Variants in TAFA5 observed in about 807,000 individuals in gnomAD.
TAFA5 encodes TAFA chemokine like family member 5, also known as chemokine-like protein TAFA-5.
A neutral mutation model predicts 15.3 loss-of-function variants in TAFA5; 6 were observed. That is an observed-to-expected ratio of 0.39 (90% confidence interval 0.21 to 0.77). The LOEUF (loss-of-function observed/expected upper bound fraction) is 0.77. Ranked by LOEUF, TAFA5 falls within the 30% of genes least tolerant of loss-of-function variation. The pLI, the probability that TAFA5 is intolerant of heterozygous loss-of-function variation, is 0.41. For synonymous variants in TAFA5, 103 were observed against 80.7 expected, an observed-to-expected ratio of 1.28 and a Z score of -1.48; for missense variants, 161 against 193.1, an observed-to-expected ratio of 0.83 and a Z score of 0.98.
At chr22:48,647,023 T>G (rs1464659628) in intron 2 of TAFA5, among the ~76,000 whole-genome samples, 1 of 152,090 alleles carries the variant, frequency 6.6e-6, no homozygotes, top group African/African-American at 2.4e-5. Flanking sequence ...GGCCCAAGGC[T>G]GTGGTTCTCT....
In TAFA5 at chr22:48,492,703, A is replaced by T. The variant is rs534514402; in HGVS notation, c.112+2999A>T. On this transcript the variant is annotated intron_variant, in intron 1 of 3. Transcript: ENST00000402357. ...CCCTGGATGGCTCACTTTAAAATGC[A>T]TGCTCGGTGGTCTGCGACCATCACG... is the stretch of plus-strand genomic sequence containing the variant. Among the ~76,000 whole-genome samples the T allele has an allele frequency of 1.1e-4, 16 of 152,210 alleles. No individual in the cohort carries two copies. The South Asian group carries it at 3.3e-3, about 32-fold the overall frequency.
intron 3 of TAFA5, among the ~76,000 whole-genome samples, chr22:48,745,349 C>T (rs943301894): frequency 2.1e-5 from 3 of 144,182 alleles, no homozygotes; most frequent in African/African-American, 7.9e-5. Context: ...CATGGGCACA[C>T]AACGGCTTTG....
rs748782383 is a variant in TAFA5 at position 48,531,855 on chromosome 22, C to T, written c.112+42151C>T. On this transcript the variant is annotated intron_variant, in intron 1 of 3. Transcript: ENST00000402357. The stretch of plus-strand genomic sequence containing the variant: ...GGTGCCTCCCACCCCCCAACTCCCC[C>T]GGAAGGACGGACGGGCCTGGCAGGG... 7.2e-4 allele frequency among the ~76,000 whole-genome samples: 109 copies of T among 152,294 alleles called. 1 individual carries two copies. Among genetic ancestry groups the T allele is most frequent in the Middle Eastern group, 6.8e-3 (2 of 294 alleles).
In TAFA5 at chr22:48,619,899, C is replaced by A. The variant is rs1925743254; in HGVS notation, c.113-26698C>A. On this transcript the variant is annotated intron_variant, in intron 1 of 3. Transcript: ENST00000402357. ...GCTTCTGCTCCCCGAGCTTCCTGCG[C>A]TCCCTGAAAGTTGTGCATCCAGTGC... Among the ~76,000 whole-genome samples, 3 of 152,240 alleles carry A rather than the reference C, an allele frequency of 2.0e-5. No individual in the cohort carries two copies. In the South Asian group the frequency reaches 6.2e-4, roughly 32 times the overall value.
intron 1 of TAFA5, among the ~76,000 whole-genome samples, chr22:48,617,725 G>T (rs1322574829): frequency 1.3e-5 from 2 of 152,194 alleles, no homozygotes; most frequent in Non-Finnish European, 2.9e-5. Flanking sequence ...CTGGAGCCTG[G>T]CTTGGTGCAT....
intron 3 of TAFA5, among the ~76,000 whole-genome samples, chr22:48,714,753 G>A (rs894085751): frequency 5.3e-5 from 8 of 152,178 alleles, no homozygotes; most frequent in Non-Finnish European, 8.8e-5. Context: ...CAATGACCAC[G>A]TTCTGAGTGG....
intron 2 of TAFA5, among the ~76,000 whole-genome samples, chr22:48,673,757 G>C (rs74847497): frequency 6.6e-6 from 1 of 152,198 alleles, no homozygotes; most frequent in Non-Finnish European, 1.5e-5. Context: ...ATGGGGCCAG[G>C]TTATTTTTGG....
At chr22:48,618,014 G>A (rs1569049837) in intron 1 of TAFA5, among the ~76,000 whole-genome samples, 3 of 152,222 alleles carry the variant, frequency 2.0e-5, no homozygotes, top group Admixed American at 6.5e-5. Context: ...CAGGCCACTG[G>A]TAAGTGGCAC....
intron 1 of TAFA5, among the ~76,000 whole-genome samples, chr22:48,600,729 G>A (rs901413262): frequency 4.6e-5 from 7 of 152,206 alleles, no homozygotes; most frequent in South Asian, 2.1e-4. Flanking sequence ...GCCCTTCTGC[G>A]TAGGGTGGTG....
At chr22:48,664,293 T>C (rs1010658138) in intron 2 of TAFA5, among the ~76,000 whole-genome samples, 2 of 152,178 alleles carry the variant, frequency 1.3e-5, no homozygotes, top group African/African-American at 4.8e-5. Flanking sequence ...TTGCCTCTGA[T>C]GCCTGAATGA....
chr22:48,557,684 G>A (rs989128058), intron 1 of TAFA5, among the ~76,000 whole-genome samples: 1 of 152,198 alleles, frequency 6.6e-6, no homozygotes, highest in Non-Finnish European at 1.5e-5. Flanking sequence ...ACGGCCACTC[G>A]CAGGTGGGAG....
chr22:48,538,476 G>A (rs1404010861), intron 1 of TAFA5, among the ~76,000 whole-genome samples: 2 of 152,198 alleles, frequency 1.3e-5, no homozygotes, highest in African/African-American at 2.4e-5. Context: ...GTGGAACTTC[G>A]GAGGGCAGAA....
At chr22:48,720,467 C>T (rs980670086) in intron 3 of TAFA5, among the ~76,000 whole-genome samples, 7 of 152,232 alleles carry the variant, frequency 4.6e-5, no homozygotes, top group African/African-American at 1.7e-4. Flanking sequence ...GAGTCTGGCA[C>T]ATCACTGGGA....
intron 1 of TAFA5, among the ~76,000 whole-genome samples, chr22:48,631,261 C>T (rs1391166782): frequency 6.6e-6 from 1 of 152,190 alleles, no homozygotes; most frequent in Non-Finnish European, 1.5e-5. Flanking sequence ...ACCTCAGGCT[C>T]CCCTGGCAGG....
rs1411539168 is a variant in TAFA5 at position 48,742,311 on chromosome 22, A to G, written c.391-7528A>G. 6.6e-6 allele frequency among the ~76,000 whole-genome samples: 1 copy of G among 152,158 alleles called. No homozygotes were observed. Among genetic ancestry groups the G allele is most frequent in the Admixed American group, 6.5e-5 (1 of 15,274 alleles). On this transcript the variant is annotated intron_variant, in intron 3 of 3. Transcript: ENST00000402357. This position sits in a 1 kb window ranked among gnomAD's most constrained non-coding sequence, Gnocchi z 6.2. ...AGGTTCGGGAAAAGAACTGACCCCCACGAGGATGGTCCTGGTGTTGAGAAA... is the reference window on the plus strand; with the variant it reads ...AGGTTCGGGAAAAGAACTGACCCCCGCGAGGATGGTCCTGGTGTTGAGAAA...
intron 3 of TAFA5, among the ~76,000 whole-genome samples, chr22:48,732,211 G>T (rs6010502): frequency 0.67 from 101,695 of 151,950 alleles, 34,948 homozygotes; most frequent in Admixed American, 0.72. Flanking sequence ...AACGGATGGG[G>T]AGGTACTTCT....
rs567711881 is a variant in TAFA5 at position 48,560,266 on chromosome 22, C to T, written c.112+70562C>T. The stretch of plus-strand genomic sequence containing the variant: ...CCCTGTCGTGCGCCCAGGCTGGTGC[C>T]GTCAGGCTCCCGGCATTGGTGCACC... On this transcript the variant is annotated intron_variant, in intron 1 of 3. Coordinates refer to ENST00000402357, the MANE Select transcript of TAFA5 (RefSeq NM_001082967.3). This position sits in a 1 kb window ranked among gnomAD's most constrained non-coding sequence, Gnocchi z 4.2. Among the ~76,000 whole-genome samples the T allele has an allele frequency of 3.5e-4, 53 of 152,218 alleles. No homozygotes were observed. Among genetic ancestry groups the T allele is most frequent in the Non-Finnish European group, 5.4e-4 (37 of 68,046 alleles).
intron 2 of TAFA5, among the ~76,000 whole-genome samples, chr22:48,686,304 G>A (rs1928351645): frequency 6.6e-6 from 1 of 152,218 alleles, no homozygotes; most frequent in Admixed American, 6.5e-5. Flanking sequence ...CAGCTCTGGA[G>A]GCTGGAAATC....
intron 1 of TAFA5, among the ~76,000 whole-genome samples, chr22:48,629,037 C>T (rs1054659358): frequency 4.6e-5 from 7 of 152,144 alleles, no homozygotes; most frequent in African/African-American, 1.2e-4. Flanking sequence ...TCGCAGCTGC[C>T]GGGCAGAGGG....
Sources: allele counts gnomAD v4.1 joint callset (sites outside exome capture counted in the v4.1 genomes callset), GRCh38; gene constraint gnomAD v4.1.1; non-coding constraint Gnocchi (gnomAD v3.1); transcripts MANE v1.5; gene names NCBI Gene and HGNC (gene_info 2026-07-23, HGNC 2026-07-21).